Variants in GPC5 observed in about 807,000 individuals in gnomAD.
GPC5 encodes glypican 5.
Under a neutral mutation model 53.9 loss-of-function variants are expected in GPC5, and 47 were observed. The observed-to-expected ratio is 0.87, with a 90% CI of 0.69 to 1.11. GPC5 has a LOEUF of 1.11. GPC5 is among the 50% of genes most tolerant of loss of function. The probability of loss-of-function intolerance (pLI) is 0.00; values close to 1 mark genes in which losing one functional copy is unlikely to be tolerated. For synonymous variants in GPC5, 286 were observed against 263.3 expected (o/e 1.09, Z -0.84); for missense variants, 748 against 713.1 (o/e 1.05, Z -0.56).
intron 5 of GPC5, among the ~76,000 whole-genome samples, chr13:91,898,809 G>A (rs1208109200): frequency 6.6e-6 from 1 of 151,840 alleles, no homozygotes; most frequent in Non-Finnish European, 1.5e-5. Flanking sequence ...ACATTCTTAT[G>A]GTGATAAAAT....
At chr13:91,715,941 T>C (rs540802562) in intron 3 of GPC5, among the ~76,000 whole-genome samples, 1 of 152,178 alleles carries the variant, frequency 6.6e-6, no homozygotes, top group Admixed American at 6.5e-5. Context: ...GCTCATCTTG[T>C]TTTTAAAAAA....
chr13:91,545,676 A>G (rs138523413), intron 2 of GPC5, among the ~76,000 whole-genome samples: 198 of 152,156 alleles, frequency 1.3e-3, no homozygotes, highest in Middle Eastern at 6.8e-3. Flanking sequence ...TAAAATTTTT[A>G]TGCCTCTTGA....
chr13:92,736,745 C>T (rs151251484), intron 7 of GPC5, among the ~76,000 whole-genome samples: 5 of 151,974 alleles, frequency 3.3e-5, no homozygotes, highest in African/African-American at 9.6e-5. Flanking sequence ...CCCTAACTCC[C>T]AGAATTTCAT....
At chr13:91,471,310 G>A (rs1051840470) in intron 2 of GPC5, among the ~76,000 whole-genome samples, 3 of 150,410 alleles carry the variant, frequency 2.0e-5, no homozygotes, top group African/African-American at 7.3e-5. Context: ...TTTTTCATTT[G>A]GAGATAATGT....
chr13:92,060,801 A>G (rs1047151669), intron 6 of GPC5, among the ~76,000 whole-genome samples: 2 of 152,080 alleles, frequency 1.3e-5, no homozygotes, highest in Non-Finnish European at 2.9e-5. Context: ...GAGAATAGAA[A>G]TTATTAAAGA....
intron 6 of GPC5, among the ~76,000 whole-genome samples, chr13:92,038,383 GGTAGA>G (rs1566406936): frequency 1.3e-4 from 10 of 76,518 alleles, no homozygotes; most frequent in African/African-American, 5.5e-4. Flanking sequence ...TAGATAGATA[GGTAGA>G]TAGATAGATC....
chr13:91,734,198 G>C (rs1250631243), intron 4 of GPC5, among the ~76,000 whole-genome samples: 1 of 151,282 alleles, frequency 6.6e-6, no homozygotes, highest in African/African-American at 2.5e-5. Context: ...TGGTAGATAA[G>C]TTTTTCAATG....
Position 92,138,289 on chromosome 13 carries a change from G to C in GPC5, c.1402-6541G>C, listed in dbSNP as rs142818821. On this transcript the variant is annotated intron_variant, in intron 6 of 7. Transcript: ENST00000377067. ...TAATCCCAGCACTTTGGGATGCCAA[G>C]GTGGGCAGATCACTAGGCCAAGAGA... 2.9e-3 allele frequency among the ~76,000 whole-genome samples: 447 copies of C among 152,186 alleles called. 3 individuals carry two copies. Among genetic ancestry groups the C allele is most frequent in the African/African-American group, 0.01 (431 of 41,530 alleles).
chr13:91,565,415 A>G (rs2031484594), intron 2 of GPC5, among the ~76,000 whole-genome samples: 1 of 152,208 alleles, frequency 6.6e-6, no homozygotes, highest in Non-Finnish European at 1.5e-5. Context: ...TGGAATTTAT[A>G]CTGCTTAAGC....
intron 7 of GPC5, among the ~76,000 whole-genome samples, chr13:92,540,775 T>C (rs1012495963): frequency 6.6e-6 from 1 of 151,916 alleles, no homozygotes; most frequent in East Asian, 1.9e-4. Flanking sequence ...AATGACAACA[T>C]GTATATTACA....
intron 4 of GPC5, among the ~76,000 whole-genome samples, chr13:91,737,124 T>G (rs1373026678): frequency 6.6e-6 from 1 of 151,288 alleles, no homozygotes; most frequent in Non-Finnish European, 1.5e-5. Context: ...TTAAAAGGGT[T>G]AAAGCAGAGG....
chr13:91,460,943 A>G (rs1278009693), intron 2 of GPC5, among the ~76,000 whole-genome samples: 1 of 152,190 alleles, frequency 6.6e-6, no homozygotes, highest in Non-Finnish European at 1.5e-5. Context: ...TCATGCTGGG[A>G]AATTACCCAT....
At chr13:91,621,752 G>A (rs1162512062) in intron 2 of GPC5, among the ~76,000 whole-genome samples, 1 of 2,644 alleles carries the variant, frequency 3.8e-4, no homozygotes, top group Non-Finnish European at 0.016. Context: ...TCTCTAAAGG[G>A]ACAGAACATT....
At chr13:92,111,642 C>T (rs2041557609) in intron 6 of GPC5, among the ~76,000 whole-genome samples, 1 of 151,250 alleles carries the variant, frequency 6.6e-6, no homozygotes, top group African/African-American at 2.4e-5. Context: ...AGGTGCTACA[C>T]AAACTTTGGA....
intron 5 of GPC5, among the ~76,000 whole-genome samples, chr13:91,811,393 G>C (rs548128322): frequency 6.6e-6 from 1 of 152,060 alleles, no homozygotes; most frequent in African/African-American, 2.4e-5. Context: ...TTAAATGGAT[G>C]TTTTAGGTTT....
chr13:92,499,500 C>T (rs746077986), intron 7 of GPC5, among the ~76,000 whole-genome samples: 17 of 151,846 alleles, frequency 1.1e-4, no homozygotes, highest in African/African-American at 1.7e-4. Flanking sequence ...TTGACAACAC[C>T]GAATATCTAG....
At chr13:91,592,206 T>C (rs2032824714) in intron 2 of GPC5, among the ~76,000 whole-genome samples, 1 of 152,188 alleles carries the variant, frequency 6.6e-6, no homozygotes, top group East Asian at 1.9e-4. Context: ...ATTAGCAAAA[T>C]ATTTTTGGTA....
At chr13:91,912,756 G>T (rs559019724) in intron 6 of GPC5, among the ~76,000 whole-genome samples, 1 of 152,254 alleles carries the variant, frequency 6.6e-6, no homozygotes, top group East Asian at 1.9e-4. Context: ...TGATAATAAA[G>T]ACTAATAGGA....
At chr13:92,782,227 T>G (rs1160383719) in intron 7 of GPC5, among the ~76,000 whole-genome samples, 4 of 152,168 alleles carry the variant, frequency 2.6e-5, no homozygotes, top group Non-Finnish European at 5.9e-5. Context: ...TTTATCCCCT[T>G]TCTACTTTAC....
Sources: allele counts gnomAD v4.1 joint callset (sites outside exome capture counted in the v4.1 genomes callset), GRCh38; gene constraint gnomAD v4.1.1; transcripts MANE v1.5; gene names NCBI Gene and HGNC (gene_info 2026-07-23, HGNC 2026-07-21).